TAF1A: variants seen among roughly 807,000 people sequenced by gnomAD.
TAF1A encodes TATA-box binding protein associated factor, RNA polymerase I subunit A.
In TAF1A, 42 loss-of-function variants were observed where a neutral mutation model predicts 61.6. That is an observed-to-expected ratio of 0.68 (90% CI 0.53 to 0.88). TAF1A has a LOEUF of 0.88. Ranked by LOEUF, TAF1A falls within the 40% of genes least tolerant of loss-of-function variation. TAF1A has a pLI of 0.00. For missense variants in TAF1A, 424 were observed against 518.7 expected (o/e 0.82, Z 1.77); for synonymous variants, 179 against 177.7 (o/e 1.01, Z -0.06).
intron 3 of TAF1A, among the ~76,000 whole-genome samples, chr1:222,583,814 G>A (rs1660897317): frequency 6.7e-6 from 1 of 150,144 alleles, no homozygotes; most frequent in African/African-American, 2.5e-5. Flanking sequence ...ACTCCAGCCT[G>A]GCGACAGAGC....
At chr1:222,576,129 A>G in intron 5 of TAF1A, among the ~76,000 whole-genome samples, 1 of 152,240 alleles carries the variant, frequency 6.6e-6, no homozygotes, top group East Asian at 1.9e-4. Context: ...ATGAATAGCC[A>G]AATGATTCAG....
At chr1:222,554,595 G>GT (rs1166307597), downstream of TAF1A, among the ~76,000 whole-genome samples, 3 of 152,032 alleles carry the variant, frequency 2.0e-5, no homozygotes, top group African/African-American at 4.8e-5. Flanking sequence ...ACACCTATCT[G>GT]TTTTTTTAAT....
chr1:222,562,131 G>A (rs1175201603), intron 9 of TAF1A, among the ~76,000 whole-genome samples: 6 of 152,150 alleles, frequency 3.9e-5, no homozygotes, highest in Non-Finnish European at 7.4e-5. Flanking sequence ...GCAATTCTGT[G>A]TGTCTGTGAA....
At chr1:222,580,876 G>A (rs1660761281) in intron 3 of TAF1A, among the ~76,000 whole-genome samples, 1 of 152,178 alleles carries the variant, frequency 6.6e-6, no homozygotes, top group Non-Finnish European at 1.5e-5. Flanking sequence ...TTCTGGGCCA[G>A]GCGCGGTGGC....
At chr1:222,574,577 A>C (rs1660492635) in intron 5 of TAF1A, among the ~76,000 whole-genome samples, 1 of 152,218 alleles carries the variant, frequency 6.6e-6, no homozygotes, top group Non-Finnish European at 1.5e-5. Flanking sequence ...AATAGCCCAA[A>C]ATAGTAACCT....
In TAF1A at chr1:222,570,662, T is replaced by G. The variant is rs1380023451; in HGVS notation, c.608A>C (p.Lys203Thr). 1.2e-6 allele frequency: 2 copies of G among 1,602,862 alleles called. No individual in the cohort carries two copies. Among genetic ancestry groups the G allele is most frequent in the South Asian group, 2.2e-5 (2 of 89,544 alleles). ...TACTGCATTGTAAGCATAATCATCC[T>G]TATCTGCCCAAAGATACAAGATCTT... is the stretch of plus-strand genomic sequence containing the variant. ...EKKMELSKLD[K>T]DDYAYNAVAQ... Residue 203 changes from lysine to threonine, a missense_variant, in exon 6 of 11, where the codon AAG becomes ACG. Coordinates refer to ENST00000352967, the MANE Select transcript of TAF1A (RefSeq NM_005681.4).
At chr1:222,583,466 C>T (rs1660878964) in intron 3 of TAF1A, among the ~76,000 whole-genome samples, 1 of 150,646 alleles carries the variant, frequency 6.6e-6, no homozygotes, top group Admixed American at 6.6e-5. Context: ...AAGAGAACAA[C>T]TCTTTCAAGA....
chr1:222,580,889 A>T (rs1376772648), intron 3 of TAF1A, among the ~76,000 whole-genome samples: 3 of 152,174 alleles, frequency 2.0e-5, no homozygotes, highest in African/African-American at 7.2e-5. Context: ...GCGGTGGCTC[A>T]CACCTGTAAT....
Position 222,558,626 on chromosome 1 carries a change from G to T in TAF1A, c.*34C>A. ...AACTATCTACCAAGCTACTTACTGTGTAGCTACAACTGTGAAATAACTAAA... is the reference window on the plus strand; with the variant it reads ...AACTATCTACCAAGCTACTTACTGTTTAGCTACAACTGTGAAATAACTAAA... On this transcript the variant is annotated 3_prime_UTR_variant, in exon 11 of 11. Coordinates refer to ENST00000352967, the MANE Select transcript of TAF1A (RefSeq NM_005681.4). 8.6e-7 allele frequency: 1 copy of T among 1,158,564 alleles called. No individual in the cohort carries two copies. The highest frequency in any genetic ancestry group is 1.2e-6 in the Non-Finnish European group (1 of 828,030). 71.8% of individuals were successfully genotyped at this position (1,158,564 alleles called of 1,614,324 possible).
chr1:222,561,214 C>T lies in TAF1A; in HGVS notation c.1240+150G>A, dbSNP rs1659900347. ...TTCTAATCTAAGCACATAGTCCCAA[C>T]TCAGGATTCACTCTTCCATTGAGCA... is the stretch of plus-strand genomic sequence containing the variant. On this transcript the variant is annotated intron_variant, in intron 10 of 10. Transcript: ENST00000352967. The T allele has an allele frequency of 1.3e-5, 9 of 690,072 alleles. No individual in the cohort carries two copies. The East Asian group carries it at 2.4e-4, about 19-fold the overall frequency. The allele number at this position is 690,072 out of a possible 1,614,324, so 42.7% of individuals were successfully genotyped here. A position where few individuals can be genotyped will look rare whatever the true frequency, so the allele number is the denominator to read the frequency against.
At position 222,584,212 on chromosome 1, in the gene TAF1A, T is replaced by C. The variant is rs200563898; in HGVS notation, c.207A>G (p.Gln69=). 156 of 1,613,120 alleles carry C rather than the reference T, an allele frequency of 9.7e-5. No individual in the cohort carries two copies. Among genetic ancestry groups the C allele is most frequent in the Non-Finnish European group, 1.3e-4 (150 of 1,179,694 alleles). Residue 69 remains glutamine, a synonymous_variant, in exon 3 of 11, where the codon CAA becomes CAG. Coordinates refer to ENST00000352967, the MANE Select transcript of TAF1A (RefSeq NM_005681.4). ...SFIQEALLKH[Q]WQQAAEYMYS... ...ACATGTATTCTGCAGCTTGCTGCCA[T>C]TGGTGCTTCAGCAGAGCTTCTTGGA...
chr1:222,577,372 T>C, intron 5 of TAF1A, 73 bp downstream of exon 5: 1 of 1,231,294 alleles, frequency 8.1e-7, no homozygotes, highest in East Asian at 2.4e-5. Flanking sequence ...ATAGGGAAAT[T>C]ACTAGATTAC....
rs562833498 is a variant in TAF1A, at chr1:222,574,962, G to A, written c.604+2483C>T. 5.9e-5 allele frequency among the ~76,000 whole-genome samples: 9 copies of A among 152,184 alleles called. No individual in the cohort carries two copies. The South Asian group carries it at 1.7e-3, about 28-fold the overall frequency. ...TTTTGTGTTTCTTAATCTGGGTGGT[G>A]GTTATGTGAATGTCCATTTTAAATT... On this transcript the variant is annotated intron_variant, in intron 5 of 10. Transcript: ENST00000352967.
At position 222,577,483 on chromosome 1, in the gene TAF1A, T is replaced by C; in HGVS notation, c.566A>G (p.Tyr189Cys). The C allele has an allele frequency of 6.2e-7, 1 of 1,613,950 alleles. No homozygotes were observed. Residue 189 changes from tyrosine to cysteine, a missense_variant, in exon 5 of 11, where the codon TAT (tyrosine) becomes TGT (cysteine). Tyr to Cys is a radical substitution (Grantham distance 194). Coordinates refer to ENST00000352967, the MANE Select transcript of TAF1A (RefSeq NM_005681.4). The part of the protein sequence containing the change: ...IQAYKGLLQY[Y>C]TWSEKKMELS... ...TTCCATCTTCTTTTCAGACCAGGTA[T>C]AATACTGTAAAAGCCCTTTATAGGC... is the stretch of plus-strand genomic sequence containing the variant.
intron 4 of TAF1A, among the ~76,000 whole-genome samples, chr1:222,578,510 G>A (rs1660659034): frequency 6.6e-6 from 1 of 152,210 alleles, no homozygotes. Context: ...GATTTTTAGA[G>A]TAACTAAATT....
At chr1:222,562,784 T>G (rs1435069212) in intron 9 of TAF1A, among the ~76,000 whole-genome samples, 1 of 152,138 alleles carries the variant, frequency 6.6e-6, no homozygotes, top group Non-Finnish European at 1.5e-5. Context: ...AAATACTCAC[T>G]GAAAATGATC....
At chr1:222,579,991 T>C in intron 3 of TAF1A, 119 bp from the exon 4 acceptor site, 1 of 1,176,284 alleles carries the variant, frequency 8.5e-7, no homozygotes, top group Non-Finnish European at 1.2e-6. Context: ...CAGAGACCAC[T>C]ACCGTCAACA....
intron 5 of TAF1A, among the ~76,000 whole-genome samples, chr1:222,572,745 T>C (rs1030043399): frequency 2.6e-5 from 4 of 152,116 alleles, no homozygotes; most frequent in African/African-American, 9.7e-5. Flanking sequence ...GATATCCACA[T>C]ACAAAATAAT....
intron 5 of TAF1A, among the ~76,000 whole-genome samples, chr1:222,576,343 G>C (rs1660572334): frequency 6.6e-6 from 1 of 152,150 alleles, no homozygotes; most frequent in African/African-American, 2.4e-5. Context: ...TACATGCCCA[G>C]AGACCAAGGA....
Sources: allele counts gnomAD v4.1 joint callset (sites outside exome capture counted in the v4.1 genomes callset), GRCh38; gene constraint gnomAD v4.1.1; transcripts MANE v1.5; gene names NCBI Gene and HGNC (gene_info 2026-07-23, HGNC 2026-07-21).